The following RSF1 variants were observed in gnomAD, a reference collection of about 807,000 sequenced individuals.
RSF1 encodes the protein remodeling and spacing factor 1.
In RSF1, 13 loss-of-function variants were observed where a neutral mutation model predicts 145.2. The observed-to-expected ratio is 0.09, with a 90% CI of 0.06 to 0.14. The LOEUF (loss-of-function observed/expected upper bound fraction) is 0.14, where lower values mean the gene tolerates loss of function less well. Among genes scored for constraint, RSF1 ranks in the 10% least tolerant of loss-of-function variants. RSF1 has a pLI of 1.00. For missense variants in RSF1, 1,517 were observed against 1,718.2 expected (o/e 0.88, Z 2.07); for synonymous variants, 577 against 592.6 (o/e 0.97, Z 0.38).
the RSF1 span, among the ~76,000 whole-genome samples, chr11:77,847,892 G>C: frequency 6.6e-6 from 1 of 152,108 alleles, no homozygotes; most frequent in East Asian, 1.9e-4. Flanking sequence ...GGAGCTGAAG[G>C]TTTAAATCCC....
At position 77,678,146 on chromosome 11, in the gene RSF1, C is replaced by G. The variant is rs1251851969; in HGVS notation, c.3073G>C (p.Glu1025Gln). ...GCTTCATCAATTGCTTCATCAAACT[C>G]ATCAAATCTAAAATATACACAATGA... ...TRKCISYRFD[E>Q]FDEAIDEAIE... The change falls in exon 12 of 16, where the codon GAG becomes CAG. Residue 1025 changes from glutamate (E) to glutamine (Q), a missense_variant. Around this residue, in one of 12 missense-constraint regions of RSF1, gnomAD observed 231 missense variants for 276.6 expected, o/e 0.84. Coordinates refer to ENST00000308488, the MANE Select transcript of RSF1 (RefSeq NM_016578.4). 6.3e-7 allele frequency: 1 copy of G among 1,595,920 alleles called. No homozygotes were observed. Among genetic ancestry groups the G allele is most frequent in the South Asian group, 1.1e-5 (1 of 90,452 alleles).
the RSF1 span, among the ~76,000 whole-genome samples, chr11:77,837,107 GTTTT>G: frequency 2.0e-5 from 3 of 152,150 alleles, no homozygotes; most frequent in Non-Finnish European, 4.4e-5. Flanking sequence ...CTTCTGTGTT[GTTTT>G]TTGTTTGAGT....
chr11:77,729,894 G>GGAAAAAAAAA (rs1565162510), intron 4 of RSF1, among the ~76,000 whole-genome samples: 1 of 11,776 alleles, frequency 8.5e-5, no homozygotes, highest in Non-Finnish European at 1.5e-4. Context: ...TATTCAGTAG[G>GGAAAAAAAAA]CAAAAAAAAA....
At chr11:77,732,320 A>G (rs973712346) in intron 4 of RSF1, among the ~76,000 whole-genome samples, 4 of 152,144 alleles carry the variant, frequency 2.6e-5, no homozygotes, top group Admixed American at 2.6e-4. Context: ...GGAAGCAATT[A>G]ACTTGCTTTT....
chr11:77,844,438 C>T, the RSF1 span, among the ~76,000 whole-genome samples: 2 of 152,076 alleles, frequency 1.3e-5, no homozygotes, highest in African/African-American at 4.8e-5. Context: ...TCATGGCGCA[C>T]TGTAGTCTAC....
At chr11:77,680,703 T>C (rs1384537565) in intron 11 of RSF1, among the ~76,000 whole-genome samples, 1 of 152,252 alleles carries the variant, frequency 6.6e-6, no homozygotes, top group Non-Finnish European at 1.5e-5. Flanking sequence ...GTATCTCACC[T>C]TACAGATGTA....
At chr11:77,677,296 A>G (rs1959734934) in intron 12 of RSF1, among the ~76,000 whole-genome samples, 1 of 152,184 alleles carries the variant, frequency 6.6e-6, no homozygotes, top group Non-Finnish European at 1.5e-5. Context: ...CATTTTTAGT[A>G]TAGTCACAAA....
the RSF1 span, among the ~76,000 whole-genome samples, chr11:77,855,762 C>T: frequency 7.5e-6 from 1 of 132,816 alleles, no homozygotes; most frequent in African/African-American, 2.9e-5. Context: ...GCATAGGCTG[C>T]TAGAGGCAGC....
chr11:77,849,413 T>C, the RSF1 span, among the ~76,000 whole-genome samples: 1 of 152,016 alleles, frequency 6.6e-6, no homozygotes, highest in Non-Finnish European at 1.5e-5. Context: ...TTAGTAAAGA[T>C]GGCTTTCACC....
At chr11:77,733,280 T>C (rs1483382626) in intron 4 of RSF1, among the ~76,000 whole-genome samples, 1 of 152,218 alleles carries the variant, frequency 6.6e-6, no homozygotes, top group Non-Finnish European at 1.5e-5. Flanking sequence ...TAATACCTCA[T>C]TGTGGTTTTA....
intron 15 of RSF1, among the ~76,000 whole-genome samples, chr11:77,670,407 A>C (rs1350584206): frequency 2.0e-5 from 3 of 152,106 alleles, no homozygotes; most frequent in Non-Finnish European, 2.9e-5. Flanking sequence ...CTTAGTGAGG[A>C]TTTCCTTAGT....
chr11:77,810,781 G>T (rs367668449), intron 1 of RSF1, among the ~76,000 whole-genome samples: 3 of 152,118 alleles, frequency 2.0e-5, no homozygotes, highest in African/African-American at 7.2e-5. Context: ...CTGGAAATTT[G>T]TATTATACTG....
intron 1 of RSF1, chr11:77,813,451 G>A (rs777557346): frequency 2.1e-5 from 25 of 1,198,674 alleles, no homozygotes; most frequent in East Asian, 4.7e-5. Flanking sequence ...AGGATCCCAC[G>A]TCTTAGAACC....
At chr11:77,721,371 T>G in intron 5 of RSF1, among the ~76,000 whole-genome samples, 1 of 152,208 alleles carries the variant, frequency 6.6e-6, no homozygotes, top group East Asian at 1.9e-4. Flanking sequence ...TTATTTGGTC[T>G]TGCCATGGAA....
chr11:77,833,327 A>G, the RSF1 span, among the ~76,000 whole-genome samples: 1 of 152,176 alleles, frequency 6.6e-6, no homozygotes, highest in Non-Finnish European at 1.5e-5. Flanking sequence ...TCCTACAACT[A>G]GATGGTTCCA....
intron 1 of RSF1, among the ~76,000 whole-genome samples, chr11:77,817,708 T>A (rs1296005169): frequency 1.3e-5 from 2 of 152,226 alleles, no homozygotes; most frequent in Non-Finnish European, 2.9e-5. Flanking sequence ...TTAGTTTCTA[T>A]GCCTGCCAAA....
At chr11:77,673,635 T>C (rs1472755810) in intron 14 of RSF1, among the ~76,000 whole-genome samples, 1 of 152,060 alleles carries the variant, frequency 6.6e-6, no homozygotes, top group African/African-American at 2.4e-5. Flanking sequence ...ATAACAGAAA[T>C]GACAGAGTTA....
chr11:77,847,474 A>G, the RSF1 span, among the ~76,000 whole-genome samples: 1 of 152,180 alleles, frequency 6.6e-6, no homozygotes, highest in Non-Finnish European at 1.5e-5. Context: ...GCACTCATTG[A>G]TGATTGTGAC....
intron 1 of RSF1, among the ~76,000 whole-genome samples, chr11:77,817,131 G>A (rs1001611342): frequency 1.3e-5 from 2 of 152,146 alleles, no homozygotes; most frequent in Non-Finnish European, 2.9e-5. Context: ...GGCACCCTCA[G>A]TATCTCAGTA....
Sources: allele counts gnomAD v4.1 joint callset (sites outside exome capture counted in the v4.1 genomes callset), GRCh38; gene constraint gnomAD v4.1.1; regional missense constraint gnomAD v4.1.1; transcripts MANE v1.5; gene names NCBI Gene and HGNC (gene_info 2026-07-23, HGNC 2026-07-21).